The following EPHA8 variants were observed in gnomAD, a reference collection of about 807,000 sequenced individuals.
The protein encoded by EPHA8 is EPH receptor A8.
Under a neutral mutation model 103.6 loss-of-function variants are expected in EPHA8, and 58 were observed. The observed-to-expected ratio is 0.56, with a 90% confidence interval of 0.45 to 0.70. The LOEUF (loss-of-function observed/expected upper bound fraction) is 0.70. Ranked by LOEUF, EPHA8 falls within the 30% of genes least tolerant of loss-of-function variation. EPHA8 has a pLI of 0.00. For missense variants in EPHA8, 1,304 were observed against 1,395.2 expected, an observed-to-expected ratio of 0.93 and a Z score of 1.04; for synonymous variants, 559 against 572.5, an observed-to-expected ratio of 0.98 and a Z score of 0.34.
Position 22,601,443 on chromosome 1 carries a change from C to G in EPHA8, c.2873C>G (p.Ser958Cys). 2 of 1,610,494 alleles carry G rather than the reference C, an allele frequency of 1.2e-6. No homozygotes were observed. The highest frequency in any genetic ancestry group is 1.7e-6 in the Non-Finnish European group (2 of 1,179,824). ...CACTTCGCTGCGGGCGGATACTCCT[C>G]TCTGGGCATGGTGCTACGCATGAAC... Reference protein sequence around the residue: ...RDHFAAGGYSSLGMVLRMNAQ... With the variant: ...RDHFAAGGYSCLGMVLRMNAQ... The change falls in exon 16 of 17, where the codon TCT (serine) becomes TGT (cysteine). Residue 958 changes from serine (S) to cysteine (C), a missense_variant. Physicochemically the swap from Ser to Cys is moderately radical, Grantham distance 112. Coordinates refer to ENST00000166244, the MANE Select transcript of EPHA8 (RefSeq NM_020526.5).
chr1:22,576,346 G>T lies in EPHA8; in HGVS notation c.289G>T (p.Val97Phe). 1 of 1,613,738 alleles carries T rather than the reference G, an allele frequency of 6.2e-7. No individual in the cohort carries two copies. The highest frequency in any genetic ancestry group is 8.5e-7 in the Non-Finnish European group (1 of 1,180,010). Reference sequence around the variant, plus strand: ...GGTCCCCCGAGACGGCGCCCGGCGCGTCTATGCTGAGATCAAGTTTACCCT... The same window carrying T: ...GGTCCCCCGAGACGGCGCCCGGCGCTTCTATGCTGAGATCAAGTTTACCCT... ...SWVPRDGARRVYAEIKFTLRD... is the reference protein window; with the variant it reads ...SWVPRDGARRFYAEIKFTLRD... The change falls in exon 3 of 17, where the codon GTC becomes TTC. Residue 97 changes from valine to phenylalanine, a missense_variant. Coordinates refer to ENST00000166244, the MANE Select transcript of EPHA8 (RefSeq NM_020526.5). The surrounding 1 kb of genome is among the most constrained non-coding windows in gnomAD (Gnocchi z 4.8).
Position 22,569,414 on chromosome 1 carries a change from A to G in EPHA8, c.159+61A>G. 2 of 1,514,966 alleles carry G rather than the reference A, an allele frequency of 1.3e-6. No individual in the cohort carries two copies. Among genetic ancestry groups the G allele is most frequent in the Non-Finnish European group, 1.8e-6 (2 of 1,122,542 alleles). The allele number at this position is 1,514,966 out of a possible 1,614,324, so 93.8% of individuals were successfully genotyped here. On this transcript the variant is annotated intron_variant, in intron 2 of 16. Transcript: ENST00000166244. This position sits in a 1 kb window ranked among gnomAD's most constrained non-coding sequence, Gnocchi z 4.5. Reference sequence around the variant, plus strand: ...TGTGAGCAGAGAGAGGCTGCCACTCACAGAGTCTGCATGAGATAGATCAAA... The same window carrying G: ...TGTGAGCAGAGAGAGGCTGCCACTCGCAGAGTCTGCATGAGATAGATCAAA...
In EPHA8 at chr1:22,603,519, G is replaced by A. The variant is rs547277087; in HGVS notation, c.*1778G>A. The A allele has an allele frequency of 2.0e-5, 3 of 152,230 alleles. No individual in the cohort carries two copies. The highest frequency in any genetic ancestry group is 7.3e-5 in the African/African-American group (3 of 41,294). 9.4% of individuals were successfully genotyped at this position (152,230 alleles called of 1,614,324 possible). Reference sequence around the variant, plus strand: ...AGTGTGTGGTCCCTCTCAGGGTCCTGGGGATCTGCCTCTCTGTGGTCTCCA... The same window carrying A: ...AGTGTGTGGTCCCTCTCAGGGTCCTAGGGATCTGCCTCTCTGTGGTCTCCA... On this transcript the variant is annotated 3_prime_UTR_variant, in exon 17 of 17. Transcript: ENST00000166244.
intron 4 of EPHA8, among the ~76,000 whole-genome samples, chr1:22,587,845 C>A (rs574466463): frequency 8.5e-5 from 13 of 152,248 alleles, no homozygotes; most frequent in East Asian, 7.7e-4. Context: ...ACACACACAC[C>A]CACCCTCCCT....
intron 4 of EPHA8, 142 bp downstream of exon 4, chr1:22,586,777 A>C: frequency 1.1e-6 from 1 of 930,780 alleles, no homozygotes; most frequent in Non-Finnish European, 1.5e-6. Context: ...GGCCAGTCTG[A>C]GGTGGGGGGG....
At chr1:22,572,526 C>T (rs577113819) in intron 2 of EPHA8, among the ~76,000 whole-genome samples, 2 of 152,338 alleles carry the variant, frequency 1.3e-5, no homozygotes, top group East Asian at 1.9e-4. Context: ...CATGCTGGGA[C>T]GTGCTCCGCC....
Position 22,588,946 on chromosome 1 carries a change from TG to T in EPHA8, c.1057del (p.Asp353ThrfsTer21), listed in dbSNP as rs1489008014. On this transcript the variant is annotated frameshift_variant, in exon 5 of 17. Transcript: ENST00000166244. LOFTEE classifies it high-confidence loss of function. Reference sequence around the variant, plus strand: ...GTGACTCTGGAGTGGGCCCCTCCCCTGGACCCAGGTGGCCGCAGTGACATCA... The same window carrying T: ...GTGACTCTGGAGTGGGCCCCTCCCCTGACCCAGGTGGCCGCAGTGACATCA... ...TSVTLEWAPP[L>X]DPGGRSDITY... 6.2e-7 allele frequency: 1 copy of T among 1,612,598 alleles called. No individual in the cohort carries two copies. Among genetic ancestry groups the T allele is most frequent in the Non-Finnish European group, 8.5e-7 (1 of 1,179,932 alleles).
At position 22,589,266 on chromosome 1, in the gene EPHA8, C is replaced by T. The variant is rs1411979571; in HGVS notation, c.1315+60C>T. 2 of 1,614,058 alleles carry T rather than the reference C, an allele frequency of 1.2e-6. No individual in the cohort carries two copies. Among genetic ancestry groups the T allele is most frequent in the East Asian group, 2.2e-5 (1 of 44,884 alleles). ...TCCCCCAGCTTCCCCTGCCTCAGAC[C>T]CATCCAGGGATCAGAGCTCTGCCGG... On this transcript the variant is annotated intron_variant, in intron 5 of 16. Coordinates refer to ENST00000166244, the MANE Select transcript of EPHA8 (RefSeq NM_020526.5). The surrounding 1 kb of genome is among the most constrained non-coding windows in gnomAD (Gnocchi z 4.3).
chr1:22,591,635 C>T (rs1385207618), intron 5 of EPHA8, among the ~76,000 whole-genome samples: 2 of 152,202 alleles, frequency 1.3e-5, no homozygotes, highest in African/African-American at 4.8e-5. Flanking sequence ...GCCTGTGGAC[C>T]CACACAGCTT....
rs1232446972 is a variant in EPHA8 at position 22,601,970 on chromosome 1, G to T, written c.*229G>T. 3.4e-6 allele frequency: 2 copies of T among 581,646 alleles called. No individual in the cohort carries two copies. The highest frequency in any genetic ancestry group is 3.0e-6 in the Non-Finnish European group (1 of 333,746). The allele number at this position is 581,646 out of a possible 1,614,324, so 36.0% of individuals were successfully genotyped here. On this transcript the variant is annotated 3_prime_UTR_variant, in exon 17 of 17. Transcript: ENST00000166244. ...TGAGGACACCTGTCCCCCAGGGCAG[G>T]CACCTTCTCTTTTCCAGAGCCTGGG...
At chr1:22,574,521 T>G (rs1260876233) in intron 2 of EPHA8, among the ~76,000 whole-genome samples, 4 of 152,252 alleles carry the variant, frequency 2.6e-5, no homozygotes, top group Admixed American at 2.6e-4. Context: ...TCTGTCTCTC[T>G]AAATCTGACT....
intron 2 of EPHA8, among the ~76,000 whole-genome samples, chr1:22,571,614 T>G (rs187812858): frequency 0.012 from 1,756 of 152,276 alleles, 15 homozygotes; most frequent in Non-Finnish European, 0.019. Flanking sequence ...GACTGGGGTT[T>G]CTCGGAGAGG....
intron 3 of EPHA8, among the ~76,000 whole-genome samples, chr1:22,586,173 A>G (rs1641199742): frequency 6.6e-6 from 1 of 152,128 alleles, no homozygotes; most frequent in African/African-American, 2.4e-5. Context: ...GGAGGGGTCA[A>G]TTAGAGGAGG....
chr1:22,574,017 C>T (rs544546886), intron 2 of EPHA8, among the ~76,000 whole-genome samples: 1 of 152,356 alleles, frequency 6.6e-6, no homozygotes, highest in South Asian at 2.1e-4. Context: ...CTCGCTGTGT[C>T]ACCCAGGTTG....
At position 22,567,767 on chromosome 1, in the gene EPHA8, A is replaced by G. The variant is rs1273289005; in HGVS notation, c.95-1522A>G. ...GAAGGACACCCAGCCTCCCCACGGGAAAGTTCCAGGAGAGCTCCACCTTTA... is the reference window on the plus strand; with the variant it reads ...GAAGGACACCCAGCCTCCCCACGGGGAAGTTCCAGGAGAGCTCCACCTTTA... On this transcript the variant is annotated intron_variant, in intron 1 of 16. Coordinates refer to ENST00000166244, the MANE Select transcript of EPHA8 (RefSeq NM_020526.5). The surrounding 1 kb of genome is among the most constrained non-coding windows in gnomAD (Gnocchi z 4.2). Among the ~76,000 whole-genome samples the G allele has an allele frequency of 6.6e-6, 1 of 152,192 alleles. No individual in the cohort carries two copies. Among genetic ancestry groups the G allele is most frequent in the African/African-American group, 2.4e-5 (1 of 41,464 alleles).
chr1:22,597,378 C>T lies in EPHA8; in HGVS notation c.1832C>T (p.Ala611Val), dbSNP rs776940252. 17 of 1,613,330 alleles carry T rather than the reference C, an allele frequency of 1.1e-5. No homozygotes were observed. Among genetic ancestry groups the T allele is most frequent in the East Asian group, 8.9e-5 (4 of 44,874 alleles). ...AAGCTCCCAGAGCCCCAGTTCTATG[C>T]GGAACCCCACACCTACGAGGAGCCA... is the stretch of plus-strand genomic sequence containing the variant. ...PGKLPEPQFY[A>V]EPHTYEEPGR... Residue 611 changes from alanine (A) to valine (V), a missense_variant, in exon 10 of 17, where the codon GCG becomes GTG. By Grantham distance (64) the Ala-to-Val change is moderately conservative (BLOSUM62 0). Coordinates refer to ENST00000166244, the MANE Select transcript of EPHA8 (RefSeq NM_020526.5). This position sits in a 1 kb window ranked among gnomAD's most constrained non-coding sequence, Gnocchi z 4.6.
intron 2 of EPHA8, among the ~76,000 whole-genome samples, chr1:22,573,970 G>C (rs1257102360): frequency 6.6e-6 from 1 of 152,196 alleles, no homozygotes; most frequent in Non-Finnish European, 1.5e-5. Flanking sequence ...TGAGGACAGG[G>C]AGTGTTCTTG....
At chr1:22,575,069 G>C (rs948564584) in intron 2 of EPHA8, among the ~76,000 whole-genome samples, 1 of 152,078 alleles carries the variant, frequency 6.6e-6, no homozygotes, top group Admixed American at 6.6e-5. Flanking sequence ...TCCTGCTGCA[G>C]CCTCCCGAGT....
intron 7 of EPHA8, 62 bp from the exon 8 acceptor site, chr1:22,595,168 G>A: frequency 7.1e-7 from 1 of 1,408,726 alleles, no homozygotes. Flanking sequence ...AGGTCTGCCA[G>A]ACCCCTGGGC....
Sources: gnomAD v4.1 joint callset for allele counts (sites outside exome capture counted in the v4.1 genomes callset) on GRCh38, gnomAD v4.1.1 for gene constraint, Gnocchi (gnomAD v3.1) non-coding constraint, MANE v1.5 for transcripts, NCBI Gene and HGNC (gene_info 2026-07-23, HGNC 2026-07-21) for gene names.